The following MYO16 variants were observed in gnomAD, a reference collection of about 807,000 sequenced individuals.
MYO16 encodes the protein unconventional myosin-XVI.
A neutral mutation model predicts 205.3 loss-of-function variants in MYO16; 94 were observed. That is an observed-to-expected ratio of 0.46 (90% CI 0.39 to 0.54). The LOEUF (loss-of-function observed/expected upper bound fraction) is 0.54. Ranked by LOEUF, MYO16 falls within the 20% of genes least tolerant of loss-of-function variation. The pLI is 0.00. For synonymous variants in MYO16, 988 were observed against 954.0 expected (o/e 1.04, Z -0.66); for missense variants, 2,315 against 2,387.5 (o/e 0.97, Z 0.63).
At position 108,754,781 on chromosome 13, in the gene MYO16, T is replaced by A. The variant is rs928026126; in HGVS notation, c.507+27198T>A. 5.3e-5 allele frequency among the ~76,000 whole-genome samples: 8 copies of A among 152,284 alleles called. No homozygotes were observed. The East Asian group carries it at 1.4e-3, about 26-fold the overall frequency. On this transcript the variant is annotated intron_variant, in intron 4 of 34. Coordinates refer to ENST00000457511, the MANE Select transcript of MYO16 (RefSeq NM_001198950.3). ...GCCCCTGCATCCTCCAGCAGTGGAA[T>A]GTCACATGAACTCCTCTATCCCTTT...
chr13:109,059,620 T>C (rs944845810), intron 27 of MYO16, among the ~76,000 whole-genome samples: 1 of 152,204 alleles, frequency 6.6e-6, no homozygotes, highest in African/African-American at 2.4e-5. Context: ...GCTTTTTTCT[T>C]GTAAATTTGT....
chr13:108,695,863 G>A (rs1039790144), intron 2 of MYO16, among the ~76,000 whole-genome samples: 2 of 152,100 alleles, frequency 1.3e-5, no homozygotes, highest in African/African-American at 2.4e-5. Flanking sequence ...TGGAATGAAA[G>A]GTTGATTTAA....
chr13:108,961,442 A>G (rs1007425090), intron 17 of MYO16, 97 bp from the exon 18 acceptor site: 1 of 958,124 alleles, frequency 1.0e-6, no homozygotes, highest in Admixed American at 1.9e-5. Context: ...TAATAGGGTC[A>G]TCATTTTTGT....
chr13:109,074,719 T>G (rs1250202483), intron 27 of MYO16, among the ~76,000 whole-genome samples: 1 of 152,070 alleles, frequency 6.6e-6, no homozygotes, highest in African/African-American at 2.4e-5. Context: ...TCAGATCTCA[T>G]GAGAACTCAC....
intron 14 of MYO16, among the ~76,000 whole-genome samples, chr13:108,889,636 C>T (rs1880068583): frequency 6.6e-6 from 1 of 152,172 alleles, no homozygotes. Context: ...ATGGAACCCT[C>T]TCCATTTCTA....
chr13:108,644,378 A>G (rs79277222), intron 1 of MYO16, among the ~76,000 whole-genome samples: 3,976 of 140,432 alleles, frequency 0.028, 168 homozygotes, highest in African/African-American at 0.11. Context: ...CTATCTATCT[A>G]TCTATCTATC....
intron 21 of MYO16, among the ~76,000 whole-genome samples, chr13:109,007,594 GA>G (rs1239504276): frequency 6.7e-6 from 1 of 149,380 alleles, no homozygotes; most frequent in Non-Finnish European, 1.5e-5. Flanking sequence ...GTGTTGATAG[GA>G]AAGGAAGCAC....
At chr13:108,999,738 C>G (rs2139457661) in intron 21 of MYO16, among the ~76,000 whole-genome samples, 1 of 152,224 alleles carries the variant, frequency 6.6e-6, no homozygotes, top group South Asian at 2.1e-4. Context: ...ATTTAAGTAG[C>G]TCATAGAAGT....
intron 2 of MYO16, among the ~76,000 whole-genome samples, chr13:108,706,150 A>G (rs1227924274): frequency 6.6e-6 from 1 of 152,230 alleles, no homozygotes; most frequent in African/African-American, 2.4e-5. Flanking sequence ...AAATAATGAT[A>G]AAACCTTCTA....
intron 4 of MYO16, among the ~76,000 whole-genome samples, chr13:108,774,202 T>A (rs1430083346): frequency 6.6e-6 from 1 of 152,250 alleles, no homozygotes; most frequent in Admixed American, 6.5e-5. Context: ...GGAGATTAAA[T>A]TGTTATATAA....
chr13:109,120,303 A>G, intron 28 of MYO16, 67 bp from the exon 29 acceptor site: 1 of 1,137,232 alleles, frequency 8.8e-7, no homozygotes, highest in Non-Finnish European at 1.3e-6. Context: ...ATTTTGTCTG[A>G]TTATTTTTCC....
At chr13:108,537,308 T>C in the MYO16 span, among the ~76,000 whole-genome samples, 1 of 152,116 alleles carries the variant, frequency 6.6e-6, no homozygotes, top group African/African-American at 2.4e-5. Flanking sequence ...GCTCCATTCA[T>C]GATGCTGCAA....
chr13:109,163,168 CA>C (rs35317309), intron 32 of MYO16, among the ~76,000 whole-genome samples: 81,451 of 151,888 alleles, frequency 0.54, 22,485 homozygotes, highest in South Asian at 0.66. Flanking sequence ...CCTTTCTGGG[CA>C]GAACAGGCTG....
intron 11 of MYO16, among the ~76,000 whole-genome samples, chr13:108,860,483 A>G (rs533870472): frequency 1.3e-5 from 2 of 152,270 alleles, no homozygotes; most frequent in South Asian, 4.1e-4. Context: ...GTGTGCATGT[A>G]TGTTTATGGT....
the MYO16 span, among the ~76,000 whole-genome samples, chr13:108,551,842 T>C: frequency 3.0e-4 from 45 of 152,322 alleles, no homozygotes; most frequent in Non-Finnish European, 1.5e-4. Context: ...GAAATAATCC[T>C]GAGGCAATGG....
At chr13:108,847,682 AT>A (rs539666183) in intron 10 of MYO16, among the ~76,000 whole-genome samples, 132 of 152,022 alleles carry the variant, frequency 8.7e-4, no homozygotes, top group African/African-American at 2.8e-3. Flanking sequence ...TTGACATTTT[AT>A]TTTTTTTAAT....
intron 31 of MYO16, among the ~76,000 whole-genome samples, chr13:109,137,255 G>T (rs1321023076): frequency 7.9e-5 from 12 of 152,168 alleles, no homozygotes. Context: ...GGCAGAGGCT[G>T]TATTGTCATT....
intron 6 of MYO16, among the ~76,000 whole-genome samples, chr13:108,806,423 G>C (rs1260718665): frequency 6.6e-6 from 1 of 152,064 alleles, no homozygotes; most frequent in Non-Finnish European, 1.5e-5. Context: ...AACTCGGAGG[G>C]GGATGGGAGT....
chr13:109,096,630 C>T (rs979260600), intron 27 of MYO16, among the ~76,000 whole-genome samples: 17 of 152,144 alleles, frequency 1.1e-4, no homozygotes, highest in South Asian at 2.1e-4. Context: ...TCAAGAAATG[C>T]GACTTACCAT....
Sources: allele counts gnomAD v4.1 joint callset (sites outside exome capture counted in the v4.1 genomes callset), GRCh38; gene constraint gnomAD v4.1.1; transcripts MANE v1.5; gene names NCBI Gene and HGNC (gene_info 2026-07-23, HGNC 2026-07-21).